MTR: variants seen among roughly 807,000 people sequenced by gnomAD.
The protein encoded by MTR is 5-methyltetrahydrofolate-homocysteine methyltransferase, also known as methionine synthase.
A neutral mutation model predicts 154.8 loss-of-function variants in MTR; 84 were observed. That is an observed-to-expected ratio of 0.54 (90% confidence interval 0.45 to 0.65). MTR has a LOEUF of 0.65. Ranked by LOEUF, MTR falls within the 30% of genes least tolerant of loss-of-function variation. The pLI is 0.00. For missense variants in MTR, 1,275 were observed against 1,570.2 expected, an observed-to-expected ratio of 0.81 and a Z score of 3.18; for synonymous variants, 554 against 553.9, an observed-to-expected ratio of 1.00 and a Z score of 0.00.
rs2891796 is a variant in MTR at position 236,853,323 on chromosome 1, G to T, written c.1953+235G>T. On this transcript the variant is annotated intron_variant, in intron 18 of 32. Coordinates refer to ENST00000366577, the MANE Select transcript of MTR (RefSeq NM_000254.3). The stretch of plus-strand genomic sequence containing the variant: ...GAACTTAGGTTTCTTTAAATTTATT[G>T]TAAAATGTAAAATTAATTTTTCTTG... Among the ~76,000 whole-genome samples, 64,713 of 151,960 alleles carry T rather than the reference G, an allele frequency of 0.43. 13,968 individuals carry two copies. Among genetic ancestry groups the T allele is most frequent in the East Asian group, 0.46 (2,379 of 5,166 alleles).
chr1:236,877,806 CAT>C (rs1665514083), intron 24 of MTR, among the ~76,000 whole-genome samples: 1 of 152,162 alleles, frequency 6.6e-6, no homozygotes, highest in Non-Finnish European at 1.5e-5. Context: ...GCTATTGCCA[CAT>C]AGTTTTCCAA....
At chr1:236,882,120 T>C (rs1665769445) in intron 25 of MTR, among the ~76,000 whole-genome samples, 1 of 152,218 alleles carries the variant, frequency 6.6e-6, no homozygotes, top group Admixed American at 6.5e-5. Flanking sequence ...GCAAATAAGC[T>C]ATATTTCTAC....
chr1:236,828,840 G>A (rs1169446022), intron 11 of MTR, among the ~76,000 whole-genome samples: 1 of 151,904 alleles, frequency 6.6e-6, no homozygotes, highest in Non-Finnish European at 1.5e-5. Flanking sequence ...AGATTTGACA[G>A]AGTAAAAGAC....
At chr1:236,836,560 T>C (rs1030003103) in intron 14 of MTR, among the ~76,000 whole-genome samples, 1 of 152,206 alleles carries the variant, frequency 6.6e-6, no homozygotes, top group Non-Finnish European at 1.5e-5. Flanking sequence ...AAGTTCTTCT[T>C]TTTTAAAGAA....
rs540921505 is a variant in MTR, at chr1:236,806,950, A to G, written c.339+717A>G. 2.0e-5 allele frequency among the ~76,000 whole-genome samples: 3 copies of G among 152,290 alleles called. No homozygotes were observed. In the South Asian group the frequency reaches 6.2e-4, roughly 32 times the overall value. On this transcript the variant is annotated intron_variant, in intron 3 of 32. Transcript: ENST00000366577. ...CCTTTTTAAGGTTGAATAATATACC[A>G]TTGTGTGTATATACCACGTTTTGCT...
At chr1:236,875,177 G>T (rs1245550507) in intron 24 of MTR, among the ~76,000 whole-genome samples, 1 of 152,230 alleles carries the variant, frequency 6.6e-6, no homozygotes, top group Non-Finnish European at 1.5e-5. Context: ...GAGTGGAGAA[G>T]CTGTGTTTTT....
At chr1:236,883,754 T>A (rs1435998261) in intron 25 of MTR, among the ~76,000 whole-genome samples, 1 of 152,196 alleles carries the variant, frequency 6.6e-6, no homozygotes, top group Non-Finnish European at 1.5e-5. Context: ...TTTTGTTTTA[T>A]ACTAACTCAT....
chr1:236,813,469 C>T lies in MTR; in HGVS notation c.609+625C>T, dbSNP rs193221675. ...AGTGTCAAATTACCCTCATTTGCGA[C>T]TGGACTCATTTATACTCCCTTCAGC... is the stretch of plus-strand genomic sequence containing the variant. On this transcript the variant is annotated intron_variant, in intron 6 of 32. Transcript: ENST00000366577. Among the ~76,000 whole-genome samples the T allele has an allele frequency of 3.5e-4, 53 of 152,310 alleles. 1 individual carries two copies. In the East Asian group the frequency reaches 0.01, roughly 29 times the overall value.
intron 26 of MTR, among the ~76,000 whole-genome samples, 159 bp downstream of exon 26, chr1:236,885,378 GT>G (rs1480322753): frequency 2.6e-5 from 4 of 152,148 alleles, no homozygotes; most frequent in African/African-American, 9.7e-5. Context: ...GGTCTTCAGT[GT>G]CTTAAGTTCC....
chr1:236,866,951 T>G (rs557533854), intron 22 of MTR, among the ~76,000 whole-genome samples: 1 of 152,280 alleles, frequency 6.6e-6, no homozygotes, highest in African/African-American at 2.4e-5. Flanking sequence ...TTCATGAGGT[T>G]TAAGGAAAGA....
At chr1:236,889,664 C>G (rs1465609384) in intron 28 of MTR, among the ~76,000 whole-genome samples, 1 of 152,184 alleles carries the variant, frequency 6.6e-6, no homozygotes, top group Non-Finnish European at 1.5e-5. Context: ...TGGGCCCTGC[C>G]TGGGCTCCTG....
At position 236,862,145 on chromosome 1, in the gene MTR, A is replaced by C. The variant is rs114854031; in HGVS notation, c.2197-91A>C. 1.1e-3 allele frequency: 1,158 copies of C among 1,024,512 alleles called. 12 individuals are homozygous for C. The African/African-American group carries it at 0.013, about 12-fold the overall frequency. 63.5% of individuals were successfully genotyped at this position (1,024,512 alleles called of 1,614,324 possible). On this transcript the variant is annotated intron_variant, in intron 20 of 32. Coordinates refer to ENST00000366577, the MANE Select transcript of MTR (RefSeq NM_000254.3). ...TAGCTGTCCTGAAGTCAAAGCATGC[A>C]TTCCTAATGTGTGCCCAAATTTCAC...
rs1662325523 is a variant in MTR at position 236,826,973 on chromosome 1, A to G, written c.995+77A>G. ...ATAATCTAAATATGTACTTTTTGTT[A>G]TGGGCTGAATTGTGTCCTTCCAAAA... On this transcript the variant is annotated intron_variant, in intron 11 of 32. Transcript: ENST00000366577. 5 of 1,325,630 alleles carry G rather than the reference A, an allele frequency of 3.8e-6. No homozygotes were observed. In the East Asian group the frequency reaches 7.0e-5, roughly 19 times the overall value. The allele number at this position is 1,325,630 out of a possible 1,614,324, so 82.1% of individuals were successfully genotyped here.
chr1:236,820,487 T>G, intron 8 of MTR: 1 of 1,328,952 alleles, frequency 7.5e-7, no homozygotes, highest in South Asian at 1.2e-5. Context: ...CTCAGGCCAC[T>G]GAATAAGTAG....
In MTR at chr1:236,810,503, G is replaced by T; in HGVS notation, c.410G>T (p.Gly137Val). The change falls in exon 5 of 33, where the codon GGA becomes GTA. Residue 137 changes from glycine (G) to valine (V), a missense_variant and splice_region_variant. Transcript: ENST00000366577. ...CACACTTGTTTTTCTTTTCCCAAAG[G>T]AATTAAGAGGTTTGTGGCAGGGGCT... Reference protein sequence around the residue: ...KAAEEVTLQTGIKRFVAGALG... With the variant: ...KAAEEVTLQTVIKRFVAGALG... The T allele has an allele frequency of 6.2e-7, 1 of 1,613,380 alleles. No homozygotes were observed. The highest frequency in any genetic ancestry group is 8.5e-7 in the Non-Finnish European group (1 of 1,179,396).
intron 12 of MTR, among the ~76,000 whole-genome samples, chr1:236,830,156 C>CAT (rs1452871010): frequency 2.0e-5 from 3 of 151,730 alleles, no homozygotes; most frequent in African/African-American, 7.3e-5. Flanking sequence ...TGGGTTAACA[C>CAT]ATACGAACTA....
intron 13 of MTR, among the ~76,000 whole-genome samples, chr1:236,833,979 T>C (rs1662763383): frequency 6.6e-6 from 1 of 152,188 alleles, no homozygotes; most frequent in African/African-American, 2.4e-5. Flanking sequence ...TTCCCTTTCC[T>C]GGATGTTGAG....
intron 1 of MTR, 136 bp from the exon 2 acceptor site, chr1:236,803,292 A>G (rs1199317550): frequency 6.8e-6 from 6 of 877,002 alleles, no homozygotes; most frequent in South Asian, 1.5e-5. Context: ...GTTTTCCTAT[A>G]TAGAGTTATG....
chr1:236,863,668 GTTAT>G (rs995652344), intron 22 of MTR, 114 bp downstream of exon 22: 61 of 923,976 alleles, frequency 6.6e-5, no homozygotes, highest in Middle Eastern at 2.1e-4. Flanking sequence ...GATGTTAGAG[GTTAT>G]TTTTTATTTC....
Sources: gnomAD v4.1 joint callset for allele counts (sites outside exome capture counted in the v4.1 genomes callset) on GRCh38, gnomAD v4.1.1 for gene constraint, MANE v1.5 for transcripts, NCBI Gene and HGNC (gene_info 2026-07-23, HGNC 2026-07-21) for gene names.